RNF144B: variants seen among roughly 807,000 people sequenced by gnomAD.
The protein encoded by RNF144B is E3 ubiquitin-protein ligase RNF144B.
Under a neutral mutation model 40.2 loss-of-function variants are expected in RNF144B, and 25 were observed. The ratio of observed to expected loss-of-function variants is 0.62; its 90% CI spans 0.45 to 0.87. The LOEUF (loss-of-function observed/expected upper bound fraction) is 0.87, where lower values mean the gene tolerates loss of function less well. RNF144B is among the 40% of genes least tolerant of loss of function. The probability of loss-of-function intolerance (pLI) is 0.00; values close to 1 mark genes in which losing one functional copy is unlikely to be tolerated. For synonymous variants in RNF144B, 145 were observed against 136.3 expected (o/e 1.06, Z -0.44); for missense variants, 365 against 373.7 (o/e 0.98, Z 0.19).
chr6:18,401,975 G>A lies in RNF144B; in HGVS notation c.165+2276G>A, dbSNP rs1794809763. Reference sequence around the variant, plus strand: ...ATGTTAGATGGATAATGTGCTTATGGTGTAACCAGGTTTGAGGGAGGCATA... The same window carrying A: ...ATGTTAGATGGATAATGTGCTTATGATGTAACCAGGTTTGAGGGAGGCATA... On this transcript the variant is annotated intron_variant, in intron 2 of 7. Transcript: ENST00000259939. 2.7e-5 allele frequency: 2 copies of A among 73,830 alleles called. 1 individual carries two copies. Among genetic ancestry groups the A allele is most frequent in the African/African-American group, 7.8e-5 (2 of 25,656 alleles). 4.6% of individuals were successfully genotyped at this position (73,830 alleles called of 1,614,324 possible). A position where few individuals can be genotyped will look rare whatever the true frequency, so the allele number is the denominator to read the frequency against.
At position 18,443,059 on chromosome 6, in the gene RNF144B, G is replaced by A. The variant is rs995464834; in HGVS notation, c.331+3315G>A. 1.3e-5 allele frequency among the ~76,000 whole-genome samples: 2 copies of A among 152,062 alleles called. No individual in the cohort carries two copies. The highest frequency in any genetic ancestry group is 2.1e-4 in the South Asian group (1 of 4,822). On this transcript the variant is annotated intron_variant, in intron 4 of 7. Coordinates refer to ENST00000259939, the MANE Select transcript of RNF144B (RefSeq NM_182757.4). This position sits in a 1 kb window ranked among gnomAD's most constrained non-coding sequence, Gnocchi z 4.7. ...GTAAAGTAACTAGAATTGGGATTAC[G>A]GGATCATGTGGTAATTTTACATTTA...
chr6:18,407,463 A>G (rs1241839218), intron 2 of RNF144B, among the ~76,000 whole-genome samples: 1 of 152,232 alleles, frequency 6.6e-6, no homozygotes, highest in African/African-American at 2.4e-5. Flanking sequence ...TACTTAGTAC[A>G]CTGCCAGAAT....
At position 18,442,768 on chromosome 6, in the gene RNF144B, T is replaced by C. The variant is rs1190657057; in HGVS notation, c.331+3024T>C. On this transcript the variant is annotated intron_variant, in intron 4 of 7. Transcript: ENST00000259939. The surrounding 1 kb of genome is among the most constrained non-coding windows in gnomAD (Gnocchi z 4.3). Reference sequence around the variant, plus strand: ...TTCTCTTATTTGCCTAGCCTAGATATTTCATATGAGTGGAATCATACAATA... The same window carrying C: ...TTCTCTTATTTGCCTAGCCTAGATACTTCATATGAGTGGAATCATACAATA... 1.3e-5 allele frequency among the ~76,000 whole-genome samples: 2 copies of C among 152,216 alleles called. No individual in the cohort carries two copies. The highest frequency in any genetic ancestry group is 2.9e-5 in the Non-Finnish European group (2 of 68,042).
At chr6:18,427,513 G>C in intron 2 of RNF144B, 68 bp from the exon 3 acceptor site, 1 of 1,023,176 alleles carries the variant, frequency 9.8e-7, no homozygotes, top group Middle Eastern at 2.1e-4. Flanking sequence ...CACAGTGGTG[G>C]TTCTGTTATG....
intron 3 of RNF144B, among the ~76,000 whole-genome samples, chr6:18,433,828 T>C (rs897971180): frequency 1.3e-5 from 2 of 152,190 alleles, no homozygotes; most frequent in Non-Finnish European, 2.9e-5. Context: ...GAATGTGCTG[T>C]TTTTCTCCTC....
At position 18,398,813 on chromosome 6, in the gene RNF144B, A is replaced by T. The variant is rs529397769; in HGVS notation, c.-36-686A>T. ...GACCCTGCTTTCAGTTCTTTTGGGT[A>T]TATACCCGATTGCTGGATCATATGT... On this transcript the variant is annotated intron_variant, in intron 1 of 7. Transcript: ENST00000259939. The surrounding 1 kb of genome is among the most constrained non-coding windows in gnomAD (Gnocchi z 5.0). Among the ~76,000 whole-genome samples the T allele has an allele frequency of 1.3e-5, 2 of 152,330 alleles. No homozygotes were observed. Among genetic ancestry groups the T allele is most frequent in the South Asian group, 4.1e-4 (2 of 4,824 alleles).
rs181212647 is a variant in RNF144B, at chr6:18,459,242, G to A, written c.537-365G>A. On this transcript the variant is annotated intron_variant, in intron 5 of 7. Coordinates refer to ENST00000259939, the MANE Select transcript of RNF144B (RefSeq NM_182757.4). This position sits in a 1 kb window ranked among gnomAD's most constrained non-coding sequence, Gnocchi z 4.2. ...CCCTTCTCCATTTGTCTAATGAACA[G>A]ACCATTAGATAGATTATATACGCCC... is the stretch of plus-strand genomic sequence containing the variant. Among the ~76,000 whole-genome samples, 1 of 152,296 alleles carries A rather than the reference G, an allele frequency of 6.6e-6. No homozygotes were observed. The highest frequency in any genetic ancestry group is 1.9e-4 in the East Asian group (1 of 5,184).
intron 4 of RNF144B, among the ~76,000 whole-genome samples, chr6:18,455,237 A>G (rs1389178413): frequency 6.6e-6 from 1 of 152,058 alleles, no homozygotes; most frequent in Non-Finnish European, 1.5e-5. Flanking sequence ...GAATTATAGA[A>G]TTTCCTCCTT....
rs1042690448 is a variant in RNF144B, at chr6:18,406,397, T to G, written c.165+6698T>G. On this transcript the variant is annotated intron_variant, in intron 2 of 7. Coordinates refer to ENST00000259939, the MANE Select transcript of RNF144B (RefSeq NM_182757.4). This position sits in a 1 kb window ranked among gnomAD's most constrained non-coding sequence, Gnocchi z 4.2. ...GCAGAGGGAAGCAGTATGGAGGTCT[T>G]AAGTTGGGAGTGTGCTTGGTGTATC... Among the ~76,000 whole-genome samples, 1 of 151,334 alleles carries G rather than the reference T, an allele frequency of 6.6e-6. No individual in the cohort carries two copies.
At chr6:18,392,071 G>A (rs1275720146) in intron 1 of RNF144B, among the ~76,000 whole-genome samples, 1 of 149,186 alleles carries the variant, frequency 6.7e-6, no homozygotes, top group East Asian at 2.0e-4. Flanking sequence ...AATTAGGTGT[G>A]GTGGCAGGTG....
rs934035967 is a variant in RNF144B, at chr6:18,450,894, T to C, written c.332-6261T>C. 1.5e-4 allele frequency among the ~76,000 whole-genome samples: 23 copies of C among 152,364 alleles called. No individual in the cohort carries two copies. The highest frequency in any genetic ancestry group is 4.8e-4 in the African/African-American group (20 of 41,592). On this transcript the variant is annotated intron_variant, in intron 4 of 7. Coordinates refer to ENST00000259939, the MANE Select transcript of RNF144B (RefSeq NM_182757.4). This position sits in a 1 kb window ranked among gnomAD's most constrained non-coding sequence, Gnocchi z 4.7. ...GATATGGTGCTTTATCTCTTTGTAA[T>C]CTAATGTCATTGTGTTTTGTCTCAG...
Position 18,399,758 on chromosome 6 carries a change from A to G in RNF144B, c.165+59A>G, listed in dbSNP as rs1794764330. The G allele has an allele frequency of 2.9e-6, 4 of 1,402,202 alleles. 1 individual carries two copies. Among genetic ancestry groups the G allele is most frequent in the South Asian group, 2.4e-5 (2 of 83,062 alleles). The allele number at this position is 1,402,202 out of a possible 1,614,324, so 86.9% of individuals were successfully genotyped here. A position where few individuals can be genotyped will look rare whatever the true frequency, so the allele number is the denominator to read the frequency against. On this transcript the variant is annotated intron_variant, in intron 2 of 7. Transcript: ENST00000259939. ...ATACAAAGGGAAAAATCATAAAAGT[A>G]GGATATATTTCTGTGGTTTACTGAG...
intron 3 of RNF144B, among the ~76,000 whole-genome samples, chr6:18,437,560 A>C (rs1464851206): frequency 6.6e-6 from 1 of 152,182 alleles, no homozygotes; most frequent in Non-Finnish European, 1.5e-5. Context: ...AAAGTAATTA[A>C]CTTCTTGTAA....
Position 18,457,677 on chromosome 6 carries a change from C to T in RNF144B, c.536+318C>T, listed in dbSNP as rs373418447. Among the ~76,000 whole-genome samples the T allele has an allele frequency of 2.0e-5, 3 of 152,274 alleles. No individual in the cohort carries two copies. On this transcript the variant is annotated intron_variant, in intron 5 of 7. Coordinates refer to ENST00000259939, the MANE Select transcript of RNF144B (RefSeq NM_182757.4). This position sits in a 1 kb window ranked among gnomAD's most constrained non-coding sequence, Gnocchi z 5.1. ...CTTGTTCCCGCTCTTTGCTCAGATA[C>T]AGTATCTGCCTGTATTGGTATATAT...
intron 3 of RNF144B, among the ~76,000 whole-genome samples, chr6:18,428,627 G>T (rs568108): frequency 6.6e-6 from 1 of 151,728 alleles, no homozygotes; most frequent in Non-Finnish European, 1.5e-5. Context: ...GCCTCTGAAC[G>T]ACATCCCAAG....
intron 3 of RNF144B, among the ~76,000 whole-genome samples, chr6:18,439,346 G>C (rs1758895671): frequency 1.3e-5 from 2 of 152,120 alleles, no homozygotes; most frequent in South Asian, 2.1e-4. Context: ...TATAGAGAAA[G>C]GAAGCATCTT....
intron 4 of RNF144B, among the ~76,000 whole-genome samples, chr6:18,440,954 A>G (rs1204207038): frequency 6.6e-6 from 1 of 151,966 alleles, no homozygotes; most frequent in Non-Finnish European, 1.5e-5. Flanking sequence ...TTTGCTCTAT[A>G]TCCAGATGTG....
chr6:18,452,004 A>C (rs12205937), intron 4 of RNF144B, among the ~76,000 whole-genome samples: 5,621 of 152,252 alleles, frequency 0.037, 162 homozygotes, highest in Non-Finnish European at 0.057. Context: ...AAATCATAAC[A>C]TACTTTCAAC....
At position 18,457,337 on chromosome 6, in the gene RNF144B, A is replaced by G. The variant is rs923376655; in HGVS notation, c.514A>G (p.Ile172Val). The stretch of plus-strand genomic sequence containing the variant: ...GGTCTCCTGTAGAGACAGTCAGCCT[A>G]TTGTCCTGCCAACAGAGCACCGGTA... ...AEVSCRDSQP[I>V]VLPTEHRALF... The change falls in exon 5 of 8, where the codon ATT (isoleucine) becomes GTT (valine). Residue 172 changes from isoleucine to valine, a missense_variant. Coordinates refer to ENST00000259939, the MANE Select transcript of RNF144B (RefSeq NM_182757.4). This position sits in a 1 kb window ranked among gnomAD's most constrained non-coding sequence, Gnocchi z 5.1. 6 of 1,613,794 alleles carry G rather than the reference A, an allele frequency of 3.7e-6. No individual in the cohort carries two copies. Among genetic ancestry groups the G allele is most frequent in the Non-Finnish European group, 3.4e-6 (4 of 1,179,796 alleles).
Sources: gnomAD v4.1 joint callset for allele counts (sites outside exome capture counted in the v4.1 genomes callset) on GRCh38, gnomAD v4.1.1 for gene constraint, Gnocchi (gnomAD v3.1) non-coding constraint, MANE v1.5 for transcripts, NCBI Gene and HGNC (gene_info 2026-07-23, HGNC 2026-07-21) for gene names.